The following EDN3 variants were observed in gnomAD, a reference collection of about 807,000 sequenced individuals.
EDN3 encodes endothelin 3.
A neutral mutation model predicts 21.4 loss-of-function variants in EDN3; 9 were observed. The ratio of observed to expected loss-of-function variants is 0.42; its 90% CI spans 0.25 to 0.73. The LOEUF (loss-of-function observed/expected upper bound fraction) is 0.73, where lower values mean the gene tolerates loss of function less well. Among genes scored for constraint, EDN3 ranks in the 30% least tolerant of loss-of-function variants. The pLI, the probability that EDN3 is intolerant of heterozygous loss-of-function variation, is 0.26. For synonymous variants in EDN3, 133 were observed against 126.2 expected, an observed-to-expected ratio of 1.05 and a Z score of -0.36; for missense variants, 327 against 309.4, an observed-to-expected ratio of 1.06 and a Z score of -0.43.
chr20:59,322,033 C>T lies in EDN3; in HGVS notation c.543-339C>T, dbSNP rs1990577857. On this transcript the variant is annotated intron_variant, in intron 3 of 4. Transcript: ENST00000337938. The surrounding 1 kb of genome is among the most constrained non-coding windows in gnomAD (Gnocchi z 4.1). ...GCTGCCCTGATGCACACAAAAGACACATAGGCAGGGGTGAGCTCCCAACAC... is the reference window on the plus strand; with the variant it reads ...GCTGCCCTGATGCACACAAAAGACATATAGGCAGGGGTGAGCTCCCAACAC... 6.6e-6 allele frequency among the ~76,000 whole-genome samples: 1 copy of T among 152,172 alleles called. No individual in the cohort carries two copies. Among genetic ancestry groups the T allele is most frequent in the Admixed American group, 6.5e-5 (1 of 15,274 alleles).
intron 2 of EDN3, among the ~76,000 whole-genome samples, chr20:59,306,713 A>T (rs1441303898): frequency 1.3e-5 from 2 of 151,988 alleles, no homozygotes; most frequent in African/African-American, 2.4e-5. Flanking sequence ...GTTCTTCAAG[A>T]AAGGCATCTT....
In EDN3 at chr20:59,322,079, C is replaced by T. The variant is rs3026579; in HGVS notation, c.543-293C>T. 0.018 allele frequency among the ~76,000 whole-genome samples: 2,803 copies of T among 152,236 alleles called. 36 individuals carry two copies. The highest frequency in any genetic ancestry group is 0.025 in the Non-Finnish European group (1,684 of 68,012). On this transcript the variant is annotated intron_variant, in intron 3 of 4. Transcript: ENST00000337938. This position sits in a 1 kb window ranked among gnomAD's most constrained non-coding sequence, Gnocchi z 4.1. ...AACACCCCAACAAGGCAGACGGTAG[C>T]GCTCAGGACCCCAGGATCTGCCGTC...
At chr20:59,321,482 C>T (rs181980414) in intron 3 of EDN3, among the ~76,000 whole-genome samples, 1 of 152,282 alleles carries the variant, frequency 6.6e-6, no homozygotes, top group Admixed American at 6.5e-5. Context: ...CTGGCCTGCA[C>T]AGCACTTTGT....
rs1032996553 is a variant in EDN3, at chr20:59,324,823, CAT to C, written c.*365_*366del. The C allele has an allele frequency of 1.1e-5, 4 of 353,884 alleles. No individual in the cohort carries two copies. The highest frequency in any genetic ancestry group is 6.3e-5 in the African/African-American group (3 of 47,850). 21.9% of individuals were successfully genotyped at this position (353,884 alleles called of 1,614,324 possible). Reference sequence around the variant, plus strand: ...AGCTAACTCTTTGCAAATGTAAACACATGTCCATCTTGTAATAAATGCAAAAT... The same window carrying C: ...AGCTAACTCTTTGCAAATGTAAACACGTCCATCTTGTAATAAATGCAAAAT... On this transcript the variant is annotated 3_prime_UTR_variant, in exon 5 of 5. Coordinates refer to ENST00000337938, the MANE Select transcript of EDN3 (RefSeq NM_207034.3).
At chr20:59,314,720 G>A (rs760031723) in intron 2 of EDN3, among the ~76,000 whole-genome samples, 3 of 152,060 alleles carry the variant, frequency 2.0e-5, no homozygotes, top group African/African-American at 2.4e-5. Context: ...AATGGAAGGC[G>A]GATAATTCTC....
chr20:59,308,529 G>A (rs190057482), intron 2 of EDN3, among the ~76,000 whole-genome samples: 7 of 152,350 alleles, frequency 4.6e-5, no homozygotes, highest in African/African-American at 1.7e-4. Context: ...GAATGCCTGG[G>A]CTGAAATCTG....
At chr20:59,313,360 G>A (rs1989957106) in intron 2 of EDN3, among the ~76,000 whole-genome samples, 1 of 152,180 alleles carries the variant, frequency 6.6e-6, no homozygotes, top group Non-Finnish European at 1.5e-5. Context: ...AGGGGGTTGT[G>A]CCTGGGCCAG....
chr20:59,315,148 T>C (rs1600742382), intron 2 of EDN3, among the ~76,000 whole-genome samples: 1 of 152,204 alleles, frequency 6.6e-6, no homozygotes, highest in Admixed American at 6.5e-5. Context: ...GGAGAGTTGA[T>C]GAGTGGTGCC....
intron 2 of EDN3, among the ~76,000 whole-genome samples, chr20:59,320,712 A>C (rs1990478616): frequency 6.6e-6 from 1 of 152,212 alleles, no homozygotes; most frequent in South Asian, 2.1e-4. Flanking sequence ...AGGGGCTCAC[A>C]AGTGCAGGCA....
At chr20:59,300,957 C>A in intron 1 of EDN3, 93 bp downstream of exon 1, 1 of 1,454,554 alleles carries the variant, frequency 6.9e-7, no homozygotes, top group Non-Finnish European at 9.4e-7. Flanking sequence ...ATGTGCGTCG[C>A]GGGGAGCAAA....
intron 2 of EDN3, among the ~76,000 whole-genome samples, chr20:59,306,355 A>G (rs929504786): frequency 2.6e-5 from 4 of 152,146 alleles, no homozygotes; most frequent in Non-Finnish European, 5.9e-5. Context: ...GGCCATGACT[A>G]TCTGTGTGGC....
chr20:59,301,596 G>A lies in EDN3; in HGVS notation c.239G>A (p.Gly80Glu), dbSNP rs778923787. Residue 80 changes from glycine to glutamate, a missense_variant, in exon 2 of 5, where the codon GGG (glycine) becomes GAG (glutamate). Transcript: ENST00000337938. ...ALQGPSPGSP[G>E]QEQAAEGAPE... is the part of the protein sequence containing the mutation. ...CAGGGTCCAAGCCCTGGAAGCCCTG[G>A]GCAGGAGCAGGCGGCCGAGGGGGCC... The A allele has an allele frequency of 6.2e-7, 1 of 1,614,008 alleles. No homozygotes were observed. Among genetic ancestry groups the A allele is most frequent in the Non-Finnish European group, 8.5e-7 (1 of 1,179,970 alleles).
Position 59,324,585 on chromosome 20 carries a change from C to G in EDN3, c.*126C>G, listed in dbSNP as rs2146891054. 7.3e-7 allele frequency: 1 copy of G among 1,361,726 alleles called. No individual in the cohort carries two copies. The highest frequency in any genetic ancestry group is 1.2e-5 in the South Asian group (1 of 82,560). The allele number at this position is 1,361,726 out of a possible 1,614,324, so 84.4% of individuals were successfully genotyped here. On this transcript the variant is annotated 3_prime_UTR_variant, in exon 5 of 5. Transcript: ENST00000337938. ...GGGCAGAACACCCACCCAAAGAGTC[C>G]CCACTTAACAATACCCCCCCCCCAC...
chr20:59,321,584 T>C (rs945533676), intron 3 of EDN3, among the ~76,000 whole-genome samples: 1 of 151,874 alleles, frequency 6.6e-6, no homozygotes, highest in Non-Finnish European at 1.5e-5. Flanking sequence ...TAGCCCATGA[T>C]AAGAGTGCAA....
chr20:59,324,582 G>A lies in EDN3; in HGVS notation c.*123G>A. 3 of 1,360,596 alleles carry A rather than the reference G, an allele frequency of 2.2e-6. No homozygotes were observed. The highest frequency in any genetic ancestry group is 2.0e-6 in the Non-Finnish European group (2 of 980,308). 84.3% of individuals were successfully genotyped at this position (1,360,596 alleles called of 1,614,324 possible). A position where few individuals can be genotyped will look rare whatever the true frequency, so the allele number is the denominator to read the frequency against. On this transcript the variant is annotated 3_prime_UTR_variant, in exon 5 of 5. Coordinates refer to ENST00000337938, the MANE Select transcript of EDN3 (RefSeq NM_207034.3). ...CTGGGGCAGAACACCCACCCAAAGA[G>A]TCCCCACTTAACAATACCCCCCCCC...
chr20:59,324,173 GAGA>G (rs994649418), intron 4 of EDN3, among the ~76,000 whole-genome samples, 155 bp from the exon 5 acceptor site: 31 of 152,256 alleles, frequency 2.0e-4, no homozygotes, highest in African/African-American at 6.5e-4. Flanking sequence ...GGAAATTGCT[GAGA>G]AGCACTGGGA....
chr20:59,324,182 T>C, intron 4 of EDN3, 149 bp from the exon 5 acceptor site: 4 of 986,564 alleles, frequency 4.1e-6, no homozygotes, highest in Non-Finnish European at 4.7e-6. Context: ...TGAGAAGCAC[T>C]GGGAAGAGGG....
chr20:59,309,817 C>G (rs749611864), intron 2 of EDN3, among the ~76,000 whole-genome samples: 1 of 152,148 alleles, frequency 6.6e-6, no homozygotes, highest in Non-Finnish European at 1.5e-5. Flanking sequence ...GTAGAAAGCC[C>G]GTTTTCTGCC....
chr20:59,308,902 C>T (rs913966742), intron 2 of EDN3, among the ~76,000 whole-genome samples: 4 of 152,308 alleles, frequency 2.6e-5, no homozygotes, highest in East Asian at 1.9e-4. Flanking sequence ...TGGAGTGCCC[C>T]GGAGCAAACC....
Sources: allele counts gnomAD v4.1 joint callset (sites outside exome capture counted in the v4.1 genomes callset), GRCh38; gene constraint gnomAD v4.1.1; non-coding constraint Gnocchi (gnomAD v3.1); transcripts MANE v1.5; gene names NCBI Gene and HGNC (gene_info 2026-07-23, HGNC 2026-07-21).